The following DNAH7 variants were observed in gnomAD, a reference collection of about 807,000 sequenced individuals.
DNAH7 encodes dynein axonemal heavy chain 7, also known as axonemal beta dynein heavy chain 7.
In DNAH7, 397 loss-of-function variants were observed where a neutral mutation model predicts 444.6. That is an observed-to-expected ratio of 0.89 (90% CI 0.82 to 0.97). The LOEUF is 0.97. DNAH7 is among the 50% of genes least tolerant of loss of function. The probability of loss-of-function intolerance (pLI) is 0.00; values close to 1 mark genes in which losing one functional copy is unlikely to be tolerated. For synonymous variants in DNAH7, 1,636 were observed against 1,624.4 expected (o/e 1.01, Z -0.17); for missense variants, 4,902 against 4,800.8 (o/e 1.02, Z -0.62).
intron 54 of DNAH7, among the ~76,000 whole-genome samples, chr2:195,805,210 T>C (rs894024387): frequency 1.3e-5 from 2 of 152,174 alleles, no homozygotes; most frequent in Non-Finnish European, 2.9e-5. Context: ...AATTAGGAAA[T>C]GCCTCATTAA....
rs540863141 is a variant in DNAH7, at chr2:195,771,269, G to A, written c.11433+391C>T. Among the ~76,000 whole-genome samples the A allele has an allele frequency of 2.6e-5, 4 of 152,208 alleles. No homozygotes were observed. The South Asian group carries it at 8.3e-4, about 32-fold the overall frequency. Reference sequence around the variant, plus strand: ...GCAAAGGAATCCCTTGAGCCCAGGGGTTCATGGCAGCAGTGAGCGGTAATC... The same window carrying A: ...GCAAAGGAATCCCTTGAGCCCAGGGATTCATGGCAGCAGTGAGCGGTAATC... On this transcript the variant is annotated intron_variant, in intron 61 of 64. Coordinates refer to ENST00000312428, the MANE Select transcript of DNAH7 (RefSeq NM_018897.3).
At chr2:195,898,244 C>A (rs920930244) in intron 28 of DNAH7, among the ~76,000 whole-genome samples, 1 of 152,082 alleles carries the variant, frequency 6.6e-6, no homozygotes, top group African/African-American at 2.4e-5. Context: ...CAGTTAGGCA[C>A]AATTTTTTTT....
intron 1 of DNAH7, among the ~76,000 whole-genome samples, chr2:196,061,089 T>C (rs1338627226): frequency 6.6e-6 from 1 of 152,220 alleles, no homozygotes; most frequent in African/African-American, 2.4e-5. Flanking sequence ...TACTTATTTT[T>C]TGTGGTACGA....
chr2:196,036,030 T>C (rs1696363278), intron 5 of DNAH7, among the ~76,000 whole-genome samples: 1 of 143,826 alleles, frequency 7.0e-6, no homozygotes, highest in Non-Finnish European at 1.5e-5. Flanking sequence ...CCACATTCTT[T>C]TTTTTTTTTT....
At chr2:195,800,576 G>A (rs1357802131) in intron 54 of DNAH7, among the ~76,000 whole-genome samples, 6 of 152,110 alleles carry the variant, frequency 3.9e-5, no homozygotes, top group Non-Finnish European at 7.4e-5. Flanking sequence ...AACATGTAAC[G>A]GATCTTTTTC....
intron 51 of DNAH7, among the ~76,000 whole-genome samples, chr2:195,814,859 G>C (rs1188438150): frequency 6.6e-6 from 1 of 151,830 alleles, no homozygotes; most frequent in East Asian, 1.9e-4. Flanking sequence ...TCCCACCTCA[G>C]CCTCCCCAGT....
chr2:196,012,339 T>C (rs1417876240), intron 10 of DNAH7, among the ~76,000 whole-genome samples: 1 of 152,146 alleles, frequency 6.6e-6, no homozygotes, highest in Non-Finnish European at 1.5e-5. Context: ...AGGTCTGCCT[T>C]CTAGTGAGAT....
chr2:195,752,000 G>A (rs1693824701), intron 63 of DNAH7, among the ~76,000 whole-genome samples: 1 of 152,212 alleles, frequency 6.6e-6, no homozygotes. Context: ...GCCAGGTGCA[G>A]TGGCTCACGC....
chr2:195,822,157 G>GTAATGTAATTAAATGTTATGTAATT (rs1697505281), intron 49 of DNAH7, among the ~76,000 whole-genome samples: 1 of 152,134 alleles, frequency 6.6e-6, no homozygotes, highest in Non-Finnish European at 1.5e-5. Flanking sequence ...CTACTGCTTT[G>GTAATGTAATTAAATGTTATGTAATT]CCATTTATTC....
intron 12 of DNAH7, 150 bp from the exon 13 acceptor site, chr2:195,988,379 T>C (rs748367942): frequency 8.8e-6 from 6 of 681,516 alleles, no homozygotes; most frequent in Non-Finnish European, 1.3e-5. Context: ...TAGAAAGATA[T>C]TAGACTAATT....
intron 63 of DNAH7, among the ~76,000 whole-genome samples, chr2:195,747,284 C>T (rs950939681): frequency 6.6e-6 from 1 of 152,140 alleles, no homozygotes; most frequent in Non-Finnish European, 1.5e-5. Flanking sequence ...ATATATCCTC[C>T]CAAGACTAAA....
chr2:195,778,661 T>G (rs1695210889), intron 58 of DNAH7, among the ~76,000 whole-genome samples: 1 of 97,814 alleles, frequency 1.0e-5, no homozygotes, highest in Non-Finnish European at 1.9e-5. Context: ...TATATATATA[T>G]ATATATATAC....
intron 31 of DNAH7, among the ~76,000 whole-genome samples, chr2:195,890,233 G>A (rs553674533): frequency 8.6e-4 from 131 of 152,186 alleles, no homozygotes; most frequent in Non-Finnish European, 1.6e-3. Context: ...TGTTCAGGAA[G>A]CAAGGAAGAG....
chr2:196,049,335 C>G (rs1672677412), intron 3 of DNAH7, among the ~76,000 whole-genome samples: 1 of 152,174 alleles, frequency 6.6e-6, no homozygotes, highest in African/African-American at 2.4e-5. Flanking sequence ...TTCCACCCGC[C>G]CTTCCCATTT....
chr2:195,888,112 A>C, intron 33 of DNAH7, 146 bp downstream of exon 33: 1 of 665,786 alleles, frequency 1.5e-6, no homozygotes, highest in South Asian at 2.4e-5. Flanking sequence ...AACTGCATGA[A>C]TTCTAATCTA....
intron 15 of DNAH7, among the ~76,000 whole-genome samples, chr2:195,974,001 C>CA (rs1415284038): frequency 2.0e-5 from 3 of 152,018 alleles, no homozygotes; most frequent in African/African-American, 7.3e-5. Flanking sequence ...TGCTTGAACC[C>CA]AGGAGGCAGT....
chr2:195,778,844 CT>C (rs11286753), intron 58 of DNAH7, among the ~76,000 whole-genome samples: 69,789 of 125,568 alleles, frequency 0.56, 18,015 homozygotes, highest in East Asian at 0.61. Context: ...CAATTGTACA[CT>C]TTTTTTTTTT....
chr2:195,798,215 G>A (rs1470645312), intron 55 of DNAH7, among the ~76,000 whole-genome samples: 1 of 151,886 alleles, frequency 6.6e-6, no homozygotes, highest in African/African-American at 2.4e-5. Context: ...TACTTAACCT[G>A]TCCATGCTTT....
chr2:195,884,691 C>T lies in DNAH7; in HGVS notation c.5657G>A (p.Arg1886Gln), dbSNP rs13034775. ...ACCACTCTGTAATTTAAACGTATTT[C>T]GAGTTCGATCTGAAATTGGACTTTC... ...LMESPISDRT[R>Q]NTFKLQSGTE... Residue 1886 changes from arginine to glutamine, a missense_variant, in exon 35 of 65, where the codon CGA becomes CAA. By Grantham distance (43) the Arg-to-Gln change is conservative. Transcript: ENST00000312428. 74 of 1,613,978 alleles carry T rather than the reference C, an allele frequency of 4.6e-5. No homozygotes were observed. Among genetic ancestry groups the T allele is most frequent in the Admixed American group, 8.3e-5 (5 of 60,004 alleles).
Sources: gnomAD v4.1 joint callset for allele counts (sites outside exome capture counted in the v4.1 genomes callset) on GRCh38, gnomAD v4.1.1 for gene constraint, MANE v1.5 for transcripts, NCBI Gene and HGNC (gene_info 2026-07-23, HGNC 2026-07-21) for gene names.